The following IRF7 variants were observed in gnomAD, a reference collection of about 807,000 sequenced individuals.
IRF7 encodes the protein interferon regulatory factor 7, also known as interferon regulatory factor-7H.
In IRF7, 67 loss-of-function variants were observed where a neutral mutation model predicts 51.3. The observed-to-expected ratio is 1.31, with a 90% CI of 1.07 to 1.60. The LOEUF (loss-of-function observed/expected upper bound fraction) is 1.60, where lower values mean the gene tolerates loss of function less well. IRF7 is among the 40% of genes most tolerant of loss of function. The pLI, the probability that IRF7 is intolerant of heterozygous loss-of-function variation, is 0.00. For synonymous variants in IRF7, 427 were observed against 301.3 expected, an observed-to-expected ratio of 1.42 and a Z score of -4.32; for missense variants, 873 against 701.5, an observed-to-expected ratio of 1.24 and a Z score of -2.76.
In IRF7 at chr11:614,950, G is replaced by C. The variant is rs1368969102; in HGVS notation, c.241C>G (p.Pro81Ala). ...GCGCGCTCCGCAGTCTCAGCCTCGG[G>C]GGGCGGGCCACCTCCCCTGCTGCTA... ...PPSSRGGGPPPEAETAERAGW... is the reference protein window; with the variant it reads ...PPSSRGGGPPAEAETAERAGW... The change falls in exon 4 of 11, where the codon CCC becomes GCC. Residue 81 changes from proline to alanine, a missense_variant. Coordinates refer to ENST00000525445, the MANE Select transcript of IRF7 (RefSeq NM_001572.5). 2.6e-6 allele frequency: 4 copies of C among 1,567,436 alleles called. No individual in the cohort carries two copies. Among genetic ancestry groups the C allele is most frequent in the Non-Finnish European group, 2.6e-6 (3 of 1,159,952 alleles).
At position 612,634 on chromosome 11, in the gene IRF7, T is replaced by G; in HGVS notation, c.*11A>C. ...TGCTCCAGCTTTCTGGAGTTCTCAT[T>G]AGACTGGGTTCTAGGCGGGCTGCTC... On this transcript the variant is annotated 3_prime_UTR_variant, in exon 11 of 11. Transcript: ENST00000525445. The G allele has an allele frequency of 6.2e-7, 1 of 1,612,094 alleles. No homozygotes were observed. Among genetic ancestry groups the G allele is most frequent in the East Asian group, 2.2e-5 (1 of 44,868 alleles).
At position 612,752 on chromosome 11, in the gene IRF7, C is replaced by T. The variant is rs1440864299; in HGVS notation, c.1405G>A (p.Gly469Ser). The change falls in exon 11 of 11, where the codon GGT (glycine) becomes AGT (serine). Residue 469 changes from glycine (G) to serine (S), a missense_variant. Transcript: ENST00000525445. ...CTGCTGCTATCCAGGGAAGACACAC[C>T]CTCACGCTGCGTGCCCTCTAGGTGC... ...RVHLEGTQRE[G>S]VSSLDSSSLS... 6.2e-7 allele frequency: 1 copy of T among 1,612,398 alleles called. No individual in the cohort carries two copies. Among genetic ancestry groups the T allele is most frequent in the Non-Finnish European group, 8.5e-7 (1 of 1,179,992 alleles).
intron 7 of IRF7, 40 bp downstream of exon 7, chr11:613,911 C>A: frequency 6.3e-7 from 1 of 1,599,726 alleles, no homozygotes; most frequent in Non-Finnish European, 8.5e-7. Context: ...TCCCTAGCCT[C>A]TCCCTGTGCC....
In IRF7 at chr11:612,596, G is replaced by T. The variant is rs778143529; in HGVS notation, c.*49C>A. On this transcript the variant is annotated 3_prime_UTR_variant, in exon 11 of 11. Coordinates refer to ENST00000525445, the MANE Select transcript of IRF7 (RefSeq NM_001572.5). ...TTATTAGACTGGGCGGCCGCGGCCA[G>T]CTCTAGGTGGGCTGCTCCAGCTTTC... The T allele has an allele frequency of 9.3e-6, 15 of 1,604,886 alleles. No individual in the cohort carries two copies. In the East Asian group the frequency reaches 3.4e-4, roughly 36 times the overall value.
rs1856797999 is a variant in IRF7, at chr11:615,583, C to CTTTTATGGTGGCCA, written c.-220_-219insTGGCCACCATAAAA. The CTTTTATGGTGGCCA allele has an allele frequency of 2.0e-6, 1 of 500,430 alleles. No individual in the cohort carries two copies. Among genetic ancestry groups the CTTTTATGGTGGCCA allele is most frequent in the African/African-American group, 2.0e-5 (1 of 50,310 alleles). The allele number at this position is 500,430 out of a possible 1,614,324, so 31.0% of individuals were successfully genotyped here. A position where few individuals can be genotyped will look rare whatever the true frequency, so the allele number is the denominator to read the frequency against. On this transcript the variant is annotated 5_prime_UTR_variant, in exon 2 of 11. It removes the in-frame stop codon of an upstream open reading frame in the 5' UTR. Coordinates refer to ENST00000525445, the MANE Select transcript of IRF7 (RefSeq NM_001572.5). ...GGTGTGACTGCAGGTGTGGCCGGCGCGCACACATGAAGTCACAGGTGTTGA... is the reference window on the plus strand; with the variant it reads ...GGTGTGACTGCAGGTGTGGCCGGCGCTTTTATGGTGGCCAGCACACATGAAGTCACAGGTGTTGA...
chr11:612,777 C>A lies in IRF7; in HGVS notation c.1380G>T (p.Val460=), dbSNP rs748141441. Residue 460 remains valine, a synonymous_variant, in exon 11 of 11, where the codon GTG becomes GTT. Coordinates refer to ENST00000525445, the MANE Select transcript of IRF7 (RefSeq NM_001572.5). ...LVKLEPWLCR[V]HLEGTQREGV... ...CCTCACGCTGCGTGCCCTCTAGGTG[C>A]ACTCGGCACAGCCAGGGTTCCAGCT... The A allele has an allele frequency of 3.7e-6, 6 of 1,611,222 alleles. No individual in the cohort carries two copies. The highest frequency in any genetic ancestry group is 5.1e-6 in the Non-Finnish European group (6 of 1,179,966).
rs773962790 is a variant in IRF7 at position 615,345 on chromosome 11, C to T, written c.20G>A (p.Arg7Lys). The change falls in exon 2 of 11, where the codon AGG becomes AAG. Residue 7 changes from arginine (R) to lysine (K), a missense_variant and splice_region_variant. Physicochemically the swap from Arg to Lys is conservative, Grantham distance 26 (BLOSUM62 2). Coordinates refer to ENST00000525445, the MANE Select transcript of IRF7 (RefSeq NM_001572.5). MALAPE[R>K]AAPRVLFGEW... ...TGGAGAGGGTGGGCCGGGCTCTTAC[C>T]TCTCAGGAGCCAAGGCCATTGCTCC... The T allele has an allele frequency of 6.5e-7, 1 of 1,528,892 alleles. No homozygotes were observed. The highest frequency in any genetic ancestry group is 2.3e-5 in the East Asian group (1 of 43,582). The allele number at this position is 1,528,892 out of a possible 1,614,324, so 94.7% of individuals were successfully genotyped here. A position where few individuals can be genotyped will look rare whatever the true frequency, so the allele number is the denominator to read the frequency against.
Position 615,091 on chromosome 11 carries a change from C to G in IRF7, c.183+6G>C. ...ACCCGGGGCGGGGCGGGGCTGGGGT[C>G]CCCACCTTGAAGATGCGCGCGTCGG... On this transcript the variant is annotated splice_donor_region_variant and intron_variant, in intron 3 of 10. Transcript: ENST00000525445. 6.3e-7 allele frequency: 1 copy of G among 1,579,080 alleles called. No individual in the cohort carries two copies. Among genetic ancestry groups the G allele is most frequent in the Non-Finnish European group, 8.6e-7 (1 of 1,168,974 alleles).
intron 8 of IRF7, 66 bp from the exon 9 acceptor site, chr11:613,661 G>A (rs1413090837): frequency 1.2e-6 from 1 of 855,246 alleles, no homozygotes. Flanking sequence ...ACGGGGGTGG[G>A]CGGGGACAGG....
rs1237052283 is a variant in IRF7, at chr11:613,683, G to C, written c.848-88C>G. ...TGGGCGGGGACAGGATGTGAGTGACGGGGGTGGGCGGGGACAGGATGTGAG... is the reference window on the plus strand; with the variant it reads ...TGGGCGGGGACAGGATGTGAGTGACCGGGGTGGGCGGGGACAGGATGTGAG... On this transcript the variant is annotated intron_variant, in intron 8 of 10. Transcript: ENST00000525445. 3.9e-6 allele frequency: 3 copies of C among 772,196 alleles called. No homozygotes were observed. The African/African-American group carries it at 1.1e-4, about 29-fold the overall frequency. 47.8% of individuals were successfully genotyped at this position (772,196 alleles called of 1,614,324 possible). A position where few individuals can be genotyped will look rare whatever the true frequency, so the allele number is the denominator to read the frequency against.
chr11:613,763 C>G (rs536522497), intron 8 of IRF7, 22 bp downstream of exon 8: 2 of 1,496,448 alleles, frequency 1.3e-6, no homozygotes, highest in South Asian at 1.3e-5. Flanking sequence ...GGACAGGCTG[C>G]CCCTTCCTGG....
intron 4 of IRF7, 88 bp downstream of exon 4, chr11:614,708 CT>C: frequency 6.9e-7 from 1 of 1,442,596 alleles, no homozygotes; most frequent in Non-Finnish European, 9.3e-7. Flanking sequence ...CCCAGAACAG[CT>C]TCTAAAACCA....
Position 613,128 on chromosome 11 carries a change from G to A in IRF7, c.1238-11C>T, listed in dbSNP as rs777724108. ...GGAATTCCACCAGCTCTGAAGAAGG[G>A]GACTCTGCTGAGTACCTGGCAGGCA... On this transcript the variant is annotated splice_polypyrimidine_tract_variant and intron_variant, in intron 9 of 10. Coordinates refer to ENST00000525445, the MANE Select transcript of IRF7 (RefSeq NM_001572.5). 1.2e-6 allele frequency: 2 copies of A among 1,612,294 alleles called. No individual in the cohort carries two copies. The highest frequency in any genetic ancestry group is 1.7e-6 in the Non-Finnish European group (2 of 1,179,602).
Position 613,966 on chromosome 11 carries a change from C to CGGGCTGG in IRF7, c.744_750dup (p.Ala251ProfsTer153), listed in dbSNP as rs753582183. 1 of 1,606,434 alleles carries CGGGCTGG rather than the reference C, an allele frequency of 6.2e-7. No homozygotes were observed. Among genetic ancestry groups the CGGGCTGG allele is most frequent in the Non-Finnish European group, 8.5e-7 (1 of 1,177,974 alleles). ...CCCCTCTCACCTGTCGTTAGTGCCG[C>CGGGCTGG]GGGCTGGGGCCCGGGGCTGGGGGTC... is the stretch of plus-strand genomic sequence containing the variant. On this transcript the variant is annotated frameshift_variant, in exon 7 of 11. Transcript: ENST00000525445. LOFTEE classifies it high-confidence loss of function.
Position 613,884 on chromosome 11 carries a change from C to T in IRF7, c.767-19G>A, listed in dbSNP as rs202203308. 1.3e-3 allele frequency: 2,035 copies of T among 1,598,818 alleles called. 4 individuals carry two copies. Among genetic ancestry groups the T allele is most frequent in the Non-Finnish European group, 1.5e-3 (1,702 of 1,173,780 alleles). On this transcript the variant is annotated intron_variant, in intron 7 of 10. Coordinates refer to ENST00000525445, the MANE Select transcript of IRF7 (RefSeq NM_001572.5). ...GCCTCGCCTGCATCCGGAAGGGAAT[C>T]CTGTGCTGGCACCTCATCCCTAGCC... is the stretch of plus-strand genomic sequence containing the variant.
chr11:613,846 C>G lies in IRF7; in HGVS notation c.786G>C (p.Glu262Asp), dbSNP rs773806371. The change falls in exon 8 of 11, where the codon GAG becomes GAC. Residue 262 changes from glutamate (E) to aspartate (D), a missense_variant. Coordinates refer to ENST00000525445, the MANE Select transcript of IRF7 (RefSeq NM_001572.5). ...ALTTGEAAAP[E>D]SPHQAEPYLS... is the part of the protein sequence containing the mutation. ...GGTACGGCTCTGCCTGGTGCGGGGA[C>G]TCTGGGGCCGCGGCCTCGCCTGCAT... 5.0e-6 allele frequency: 8 copies of G among 1,599,460 alleles called. No individual in the cohort carries two copies. Among genetic ancestry groups the G allele is most frequent in the Admixed American group, 1.7e-5 (1 of 58,066 alleles).
Position 615,312 on chromosome 11 carries a change from C to T in IRF7, c.20+33G>A, listed in dbSNP as rs1441369178. The T allele has an allele frequency of 6.4e-7, 1 of 1,568,132 alleles. No individual in the cohort carries two copies. The highest frequency in any genetic ancestry group is 8.6e-7 in the Non-Finnish European group (1 of 1,161,602). ...GGGCCGGCTGCAGGGCGCTCGGGGA[C>T]TGGCATCTGGAGAGGGTGGGCCGGG... On this transcript the variant is annotated intron_variant, in intron 2 of 10. Coordinates refer to ENST00000525445, the MANE Select transcript of IRF7 (RefSeq NM_001572.5).
intron 10 of IRF7, 81 bp downstream of exon 10, chr11:612,918 C>T (rs556610785): frequency 3.8e-6 from 6 of 1,581,888 alleles, no homozygotes; most frequent in African/African-American, 2.7e-5. Context: ...TCCCCTCCCC[C>T]TCTCCGAGGC....
chr11:613,564 G>A lies in IRF7; in HGVS notation c.879C>T (p.Ile293=). 1 of 1,578,374 alleles carries A rather than the reference G, an allele frequency of 6.3e-7. No homozygotes were observed. The highest frequency in any genetic ancestry group is 8.6e-7 in the Non-Finnish European group (1 of 1,164,158). Residue 293 remains isoleucine (I), a synonymous_variant, in exon 9 of 11, where the codon ATC becomes ATT. Coordinates refer to ENST00000525445, the MANE Select transcript of IRF7 (RefSeq NM_001572.5). ...EPSPGALDVT[I]MYKGRTVLQK... is the part of the protein sequence containing the mutation. ...GCAGCACCGTGCGGCCCTTGTACAT[G>A]ATGGTCACGTCCAGCGCCCCTGGGC...
Sources: gnomAD v4.1 joint callset for allele counts on GRCh38, gnomAD v4.1.1 for gene constraint, MANE v1.5 for transcripts, NCBI Gene and HGNC (gene_info 2026-07-23, HGNC 2026-07-21) for gene names.